RGS7: variants seen among roughly 807,000 people sequenced by gnomAD.
RGS7 encodes the protein regulator of G-protein signaling 7.
In RGS7, 27 loss-of-function variants were observed where a neutral mutation model predicts 81.1. That is an observed-to-expected ratio of 0.33 (90% CI 0.25 to 0.46). The LOEUF is 0.46. RGS7 is among the 20% of genes least tolerant of loss of function. RGS7 has a pLI of 1.00. For synonymous variants in RGS7, 208 were observed against 207.7 expected (o/e 1.00, Z -0.01); for missense variants, 396 against 607.4 (o/e 0.65, Z 3.66).
intron 2 of RGS7, among the ~76,000 whole-genome samples, chr1:241,315,383 T>C (rs1181302537): frequency 6.6e-6 from 1 of 152,080 alleles, no homozygotes; most frequent in Admixed American, 6.6e-5. Context: ...AGCTAATCCC[T>C]ATAGCCTTGC....
At chr1:240,980,143 G>T (rs185390038) in intron 4 of RGS7, among the ~76,000 whole-genome samples, 1 of 152,182 alleles carries the variant, frequency 6.6e-6, no homozygotes, top group African/African-American at 2.4e-5. Flanking sequence ...ATGTCTAATG[G>T]TACCAAAATC....
At chr1:241,330,008 T>C (rs564623061) in intron 2 of RGS7, among the ~76,000 whole-genome samples, 4 of 152,258 alleles carry the variant, frequency 2.6e-5, no homozygotes, top group East Asian at 3.9e-4. Flanking sequence ...GGCGCAATCT[T>C]GGCTCACTGC....
chr1:241,007,471 G>A (rs1388923724), intron 3 of RGS7, among the ~76,000 whole-genome samples: 1 of 152,202 alleles, frequency 6.6e-6, no homozygotes, highest in African/African-American at 2.4e-5. Flanking sequence ...GAAGTCAAAA[G>A]TTACAGATGG....
intron 2 of RGS7, among the ~76,000 whole-genome samples, chr1:241,201,148 AC>A (rs1409481553): frequency 1.3e-5 from 2 of 151,824 alleles, no homozygotes; most frequent in East Asian, 1.9e-4. Flanking sequence ...TAATTCTACC[AC>A]CCCAATATCC....
intron 2 of RGS7, among the ~76,000 whole-genome samples, chr1:241,169,841 C>T (rs554954874): frequency 5.3e-5 from 8 of 152,170 alleles, no homozygotes; most frequent in South Asian, 4.2e-4. Flanking sequence ...TATGTATGTT[C>T]GTATGCGTGT....
chr1:241,204,187 T>G (rs1254493738), intron 2 of RGS7, among the ~76,000 whole-genome samples: 1 of 152,130 alleles, frequency 6.6e-6, no homozygotes, highest in African/African-American at 2.4e-5. Flanking sequence ...ATGGTGAAAT[T>G]TTCTCAGAAA....
chr1:240,957,081 T>C (rs1187381755), intron 4 of RGS7, among the ~76,000 whole-genome samples: 1 of 152,044 alleles, frequency 6.6e-6, no homozygotes, highest in Non-Finnish European at 1.5e-5. Flanking sequence ...CCAGAGGAGA[T>C]TAACATTTGA....
intron 9 of RGS7, among the ~76,000 whole-genome samples, chr1:240,830,775 T>C (rs1377490705): frequency 2.6e-5 from 4 of 152,170 alleles, no homozygotes; most frequent in African/African-American, 9.7e-5. Flanking sequence ...TCCAAATCAA[T>C]TTTACTTCAT....
intron 3 of RGS7, among the ~76,000 whole-genome samples, chr1:241,049,446 A>G (rs981126450): frequency 6.6e-6 from 1 of 152,236 alleles, no homozygotes; most frequent in African/African-American, 2.4e-5. Context: ...GAAAAGAACT[A>G]TGTAGTCAAC....
intron 6 of RGS7, among the ~76,000 whole-genome samples, chr1:240,924,245 T>C (rs939042817): frequency 5.3e-5 from 8 of 152,224 alleles, no homozygotes; most frequent in African/African-American, 9.6e-5. Context: ...CTTATTATCA[T>C]GTATGAAAGA....
intron 6 of RGS7, among the ~76,000 whole-genome samples, chr1:240,878,660 GA>G (rs1231595975): frequency 2.0e-5 from 3 of 151,896 alleles, no homozygotes; most frequent in Non-Finnish European, 4.4e-5. Flanking sequence ...GGTTTTGGGG[GA>G]AAAGTTTACT....
At chr1:241,148,773 A>G (rs546657916) in intron 2 of RGS7, among the ~76,000 whole-genome samples, 1 of 152,364 alleles carries the variant, frequency 6.6e-6, no homozygotes. Context: ...AACAGAATAT[A>G]CTATTTGTCA....
intron 6 of RGS7, chr1:240,920,757 G>A (rs1673386604): frequency 2.7e-5 from 15 of 551,550 alleles, no homozygotes; most frequent in African/African-American, 3.8e-5. Context: ...AAATACTCAC[G>A]TGTATGGGCA....
intron 6 of RGS7, among the ~76,000 whole-genome samples, chr1:240,875,279 G>A (rs1558395045): frequency 1.3e-5 from 2 of 152,090 alleles, no homozygotes; most frequent in Non-Finnish European, 1.5e-5. Context: ...GTGACATCAC[G>A]CAGTATTTGT....
chr1:240,872,905 C>T (rs899476426), intron 6 of RGS7, among the ~76,000 whole-genome samples: 2 of 151,932 alleles, frequency 1.3e-5, no homozygotes, highest in African/African-American at 2.4e-5. Flanking sequence ...GCTGAAACCT[C>T]GTCTCTACTA....
chr1:240,870,221 G>A (rs1240732567), intron 6 of RGS7, 102 bp from the exon 7 acceptor site: 10 of 989,144 alleles, frequency 1.0e-5, no homozygotes, highest in Admixed American at 7.5e-5. Context: ...TTTTTCCCAA[G>A]TTGTAATTTT....
chr1:241,055,869 G>A (rs2061453333), intron 3 of RGS7, among the ~76,000 whole-genome samples: 1 of 152,182 alleles, frequency 6.6e-6, no homozygotes, highest in Admixed American at 6.5e-5. Context: ...CATACAAAAA[G>A]ACACTTGTCA....
At chr1:240,931,478 G>C (rs749722389) in intron 5 of RGS7, among the ~76,000 whole-genome samples, 4 of 151,972 alleles carry the variant, frequency 2.6e-5, no homozygotes, top group Non-Finnish European at 5.9e-5. Flanking sequence ...AGGGAATGGA[G>C]ATCCCATTCT....
chr1:241,156,901 T>C (rs2069197969), intron 2 of RGS7, among the ~76,000 whole-genome samples: 1 of 152,206 alleles, frequency 6.6e-6, no homozygotes, highest in Admixed American at 6.5e-5. Flanking sequence ...TCCTCACTAC[T>C]GTCTCCTCTC....
Sources: allele counts gnomAD v4.1 joint callset (sites outside exome capture counted in the v4.1 genomes callset), GRCh38; gene constraint gnomAD v4.1.1; transcripts MANE v1.5; gene names NCBI Gene and HGNC (gene_info 2026-07-23, HGNC 2026-07-21).